Variants in KCNG2 observed in about 807,000 individuals in gnomAD.
KCNG2 encodes potassium voltage-gated channel modifier subfamily G member 2.
A neutral mutation model predicts 12.3 loss-of-function variants in KCNG2; 7 were observed. The ratio of observed to expected loss-of-function variants is 0.57; its 90% CI spans 0.32 to 1.07. The LOEUF is 1.07. Ranked by LOEUF, KCNG2 falls within the 50% of genes least tolerant of loss-of-function variation. KCNG2 has a pLI of 0.04. For missense variants in KCNG2, 703 were observed against 726.0 expected (o/e 0.97, Z 0.36); for synonymous variants, 414 against 351.4 (o/e 1.18, Z -1.99).
intron 3 of KCNG2, among the ~76,000 whole-genome samples, chr18:79,896,450 G>T (rs1181213134): frequency 6.6e-6 from 1 of 152,126 alleles, no homozygotes; most frequent in Non-Finnish European, 1.5e-5. Flanking sequence ...AATACACATT[G>T]TTACAATTGT....
chr18:79,887,182 A>T (rs146661983), intron 3 of KCNG2, among the ~76,000 whole-genome samples: 52 of 148,632 alleles, frequency 3.5e-4, no homozygotes, highest in South Asian at 2.7e-3. Context: ...ACAGGGAGGG[A>T]CACAGGACAG....
At chr18:79,810,933 G>T (rs2087490040) in intron 1 of KCNG2, among the ~76,000 whole-genome samples, 2 of 152,274 alleles carry the variant, frequency 1.3e-5, no homozygotes, top group Non-Finnish European at 2.9e-5. Flanking sequence ...GCGTGTTGTT[G>T]TATACTAGCA....
intron 1 of KCNG2, among the ~76,000 whole-genome samples, chr18:79,802,519 C>G (rs2087418653): frequency 6.6e-6 from 1 of 152,266 alleles, no homozygotes; most frequent in African/African-American, 2.4e-5. Context: ...TGGGGAAGGT[C>G]TGGCTGTAAC....
At position 79,899,085 on chromosome 18, in the gene KCNG2, G is replaced by A. The variant is rs373990607; in HGVS notation, c.670G>A (p.Val224Met). The change falls in exon 4 of 4, where the codon GTG becomes ATG. Residue 224 changes from valine (V) to methionine (M), a missense_variant. Transcript: ENST00000316249. ...KCRSLFVLET[V>M]CVAWFSFEFL... is the part of the protein sequence containing the mutation. ...CCGCAGCCTGTTCGTGCTGGAGACCGTGTGCGTGGCCTGGTTCTCCTTCGA... is the reference window on the plus strand; with the variant it reads ...CCGCAGCCTGTTCGTGCTGGAGACCATGTGCGTGGCCTGGTTCTCCTTCGA... The A allele has an allele frequency of 3.2e-5, 51 of 1,597,878 alleles. No individual in the cohort carries two copies. The highest frequency in any genetic ancestry group is 4.6e-5 in the East Asian group (2 of 43,806).
intron 3 of KCNG2, among the ~76,000 whole-genome samples, chr18:79,868,260 TC>T (rs1426277781): frequency 6.6e-6 from 1 of 152,144 alleles, no homozygotes; most frequent in Non-Finnish European, 1.5e-5. Flanking sequence ...ACCCAGCCCT[TC>T]ACACTCCTGG....
At chr18:79,818,394 G>A (rs574500939) in intron 1 of KCNG2, among the ~76,000 whole-genome samples, 20 of 152,230 alleles carry the variant, frequency 1.3e-4, no homozygotes, top group Admixed American at 2.6e-4. Flanking sequence ...AGGGTCGACT[G>A]CAGACTCTCA....
chr18:79,872,092 G>C (rs1047560167), intron 3 of KCNG2, among the ~76,000 whole-genome samples: 12 of 152,114 alleles, frequency 7.9e-5, no homozygotes, highest in Non-Finnish European at 1.6e-4. Context: ...GCTCGTGGAG[G>C]CCTGCAAACG....
intron 1 of KCNG2, among the ~76,000 whole-genome samples, chr18:79,842,381 G>A (rs1978487519): frequency 1.3e-5 from 2 of 152,188 alleles, no homozygotes; most frequent in African/African-American, 4.8e-5. Flanking sequence ...GCCAAAGCCA[G>A]TTTATAAAGA....
chr18:79,818,721 A>G (rs1599369085), intron 1 of KCNG2, among the ~76,000 whole-genome samples: 1 of 152,200 alleles, frequency 6.6e-6, no homozygotes, highest in Non-Finnish European at 1.5e-5. Context: ...ATCAGTTCGT[A>G]CCTGCGAGAG....
At position 79,822,654 on chromosome 18, in the gene KCNG2, C is replaced by T. The variant is rs1461578293; in HGVS notation, c.-115+24640C>T. On this transcript the variant is annotated intron_variant, in intron 1 of 3. Transcript: ENST00000316249. This position sits in a 1 kb window ranked among gnomAD's most constrained non-coding sequence, Gnocchi z 4.4. Reference sequence around the variant, plus strand: ...CTGTGTTGCCCCGGCAGGTCTTGAACTCCTGACCTCAAGGGATCCACCCAC... The same window carrying T: ...CTGTGTTGCCCCGGCAGGTCTTGAATTCCTGACCTCAAGGGATCCACCCAC... Among the ~76,000 whole-genome samples, 3 of 152,102 alleles carry T rather than the reference C, an allele frequency of 2.0e-5. No homozygotes were observed. Among genetic ancestry groups the T allele is most frequent in the African/African-American group, 7.2e-5 (3 of 41,404 alleles).
At chr18:79,809,483 G>A (rs1204942372) in intron 1 of KCNG2, among the ~76,000 whole-genome samples, 2 of 93,742 alleles carry the variant, frequency 2.1e-5, no homozygotes, top group Admixed American at 1.1e-4. Flanking sequence ...CACACTCCAC[G>A]TTATGGGCCC....
At chr18:79,816,170 A>C (rs1208131686) in intron 1 of KCNG2, 1 of 152,234 alleles carries the variant, frequency 6.6e-6, no homozygotes, top group East Asian at 1.9e-4. Context: ...TTTAATCCTC[A>C]TGAGGCCACA....
At chr18:79,857,513 G>C (rs79258571) in intron 2 of KCNG2, among the ~76,000 whole-genome samples, 1 of 151,340 alleles carries the variant, frequency 6.6e-6, no homozygotes, top group South Asian at 2.1e-4. Flanking sequence ...TGAATCACAC[G>C]CTTGGGTCGA....
chr18:79,835,228 C>T (rs623546), intron 1 of KCNG2, among the ~76,000 whole-genome samples: 45,533 of 152,086 alleles, frequency 0.3, 7,844 homozygotes, highest in South Asian at 0.52. Flanking sequence ...GGAAGCCAAC[C>T]GCAGCAGAGC....
chr18:79,819,787 TCAC>T (rs893106878), intron 1 of KCNG2, among the ~76,000 whole-genome samples: 6 of 152,220 alleles, frequency 3.9e-5, no homozygotes, highest in Non-Finnish European at 7.3e-5. Context: ...TGTGCAGGCA[TCAC>T]CACTTTTTGC....
chr18:79,819,438 C>T (rs1413513074), intron 1 of KCNG2, among the ~76,000 whole-genome samples: 4 of 152,228 alleles, frequency 2.6e-5, no homozygotes, highest in Admixed American at 1.3e-4. Context: ...CCCCACAGCA[C>T]CTGTCCCACC....
At chr18:79,820,360 T>C (rs1218556729) in intron 1 of KCNG2, among the ~76,000 whole-genome samples, 1 of 152,226 alleles carries the variant, frequency 6.6e-6, no homozygotes, top group Non-Finnish European at 1.5e-5. Context: ...ATGCTGCTGC[T>C]TAACTTTTAG....
At chr18:79,802,386 C>G (rs2087416904) in intron 1 of KCNG2, among the ~76,000 whole-genome samples, 1 of 152,014 alleles carries the variant, frequency 6.6e-6, no homozygotes, top group African/African-American at 2.4e-5. Flanking sequence ...CAACACCTGT[C>G]CCAGCCGTGC....
At chr18:79,863,525 A>T (rs1338920912) in intron 2 of KCNG2, 103 bp from the exon 3 acceptor site, 2 of 940,674 alleles carry the variant, frequency 2.1e-6, no homozygotes, top group Non-Finnish European at 2.7e-6. Context: ...CTCCGAGCTC[A>T]CCTCCGAGGG....
Sources: gnomAD v4.1 joint callset for allele counts (sites outside exome capture counted in the v4.1 genomes callset) on GRCh38, gnomAD v4.1.1 for gene constraint, Gnocchi (gnomAD v3.1) non-coding constraint, MANE v1.5 for transcripts, NCBI Gene and HGNC (gene_info 2026-07-23, HGNC 2026-07-21) for gene names.